Variants in ACYP1 observed in about 807,000 individuals in gnomAD.
ACYP1 encodes acylphosphatase 1.
A neutral mutation model predicts 10.4 loss-of-function variants in ACYP1; 8 were observed. The ratio of observed to expected loss-of-function variants is 0.77; its 90% CI spans 0.45 to 1.38. The LOEUF (loss-of-function observed/expected upper bound fraction) is 1.38, where lower values mean the gene tolerates loss of function less well. ACYP1 is among the 40% of genes most tolerant of loss of function. The pLI, the probability that ACYP1 is intolerant of heterozygous loss-of-function variation, is 0.00. For synonymous variants in ACYP1, 38 were observed against 40.8 expected, an observed-to-expected ratio of 0.93 and a Z score of 0.26; for missense variants, 93 against 117.3, an observed-to-expected ratio of 0.79 and a Z score of 0.96.
upstream of ACYP1, among the ~76,000 whole-genome samples, chr14:75,068,294 TCAAAAAA>T (rs1331233747): frequency 1.3e-5 from 2 of 151,564 alleles, no homozygotes; most frequent in African/African-American, 4.9e-5. Context: ...AGATTCCGTC[TCAAAAAA>T]CAAAAAACAA....
rs1892852525 is a variant in ACYP1, at chr14:75,055,403, G to C, written c.85-1744C>G. Among the ~76,000 whole-genome samples the C allele has an allele frequency of 1.3e-5, 2 of 151,300 alleles. 1 individual carries two copies. The highest frequency in any genetic ancestry group is 4.2e-4 in the South Asian group (2 of 4,746). ...CACCTGGCCTTATCTGAACTCTTGA[G>C]AGTTGAACAGAACACTCCAAAATTT... On this transcript the variant is annotated intron_variant, in intron 2 of 2. Transcript: ENST00000238618.
intron 2 of ACYP1, among the ~76,000 whole-genome samples, chr14:75,056,010 A>G (rs1214652692): frequency 6.6e-6 from 1 of 151,570 alleles, no homozygotes; most frequent in African/African-American, 2.4e-5. Context: ...AAATTAGATT[A>G]AATTTTTTTG....
At chr14:75,057,225 T>G (rs1339872294) in intron 2 of ACYP1, among the ~76,000 whole-genome samples, 1 of 151,258 alleles carries the variant, frequency 6.6e-6, no homozygotes, top group East Asian at 1.9e-4. Context: ...AAACTGAAAA[T>G]GAAATTAGGA....
At position 75,053,552 on chromosome 14, in the gene ACYP1, T is replaced by C. The variant is rs1410400064; in HGVS notation, c.192A>G (p.Glu64=). Residue 64 remains glutamate, a synonymous_variant, in exon 3 of 3, where the codon GAA becomes GAG. Coordinates refer to ENST00000238618, the MANE Select transcript of ACYP1 (RefSeq NM_001107.5). ...TAGGACTTCCTCTTGTTTCAAGCCA[T>C]TCCTGCATATGACGCACCTTGGAGA... ...GPISKVRHMQ[E]WLETRGSPKS... 5 of 1,614,220 alleles carry C rather than the reference T, an allele frequency of 3.1e-6. No individual in the cohort carries two copies. The highest frequency in any genetic ancestry group is 4.2e-6 in the Non-Finnish European group (5 of 1,180,030).
upstream of ACYP1, among the ~76,000 whole-genome samples, chr14:75,066,460 AG>A (rs1245047110): frequency 3.9e-5 from 6 of 152,180 alleles, no homozygotes; most frequent in Non-Finnish European, 8.8e-5. Context: ...CAGATATTGA[AG>A]GCAAGAGCAG....
At chr14:75,064,870 A>G (rs1273889500), upstream of ACYP1, among the ~76,000 whole-genome samples, 2 of 152,242 alleles carry the variant, frequency 1.3e-5, no homozygotes, top group East Asian at 1.9e-4. Flanking sequence ...ATTACGGGGC[A>G]TAAGTGCACA....
chr14:75,058,557 C>G (rs984186426), intron 2 of ACYP1, among the ~76,000 whole-genome samples: 4 of 151,324 alleles, frequency 2.6e-5, no homozygotes, highest in Non-Finnish European at 5.9e-5. Context: ...CATGAGGGAC[C>G]TGGCCCCATT....
chr14:75,053,732 G>C, intron 2 of ACYP1, 73 bp from the exon 3 acceptor site: 1 of 1,428,074 alleles, frequency 7.0e-7, no homozygotes, highest in Non-Finnish European at 9.8e-7. Context: ...TCTGTTGCCA[G>C]AATCTTGGCC....
chr14:75,053,523 G>C lies in ACYP1; in HGVS notation c.221C>G (p.Ser74Ter). 6.2e-7 allele frequency: 1 copy of C among 1,614,162 alleles called. No homozygotes were observed. The highest frequency in any genetic ancestry group is 1.1e-5 in the South Asian group (1 of 91,084). ...GTTGAAGTTTGCTTTGTCGATGTGT[G>C]ATTTAGGACTTCCTCTTGTTTCAAG... Reference protein sequence around the residue: ...EWLETRGSPKSHIDKANFNNE... With the variant: ...EWLETRGSPK The change falls in exon 3 of 3, where the codon TCA (serine) becomes TGA (stop). Residue 74 changes from serine (S) to a stop codon, truncating the protein, a stop_gained. Transcript: ENST00000238618. LOFTEE classifies it high-confidence loss of function.
At chr14:75,060,851 A>G (rs942879328) in intron 2 of ACYP1, among the ~76,000 whole-genome samples, 1 of 152,120 alleles carries the variant, frequency 6.6e-6, no homozygotes, top group Non-Finnish European at 1.5e-5. Context: ...GGATCACCTG[A>G]GGTGAGGAGT....
At chr14:75,062,531 C>A (rs1194957309) in intron 2 of ACYP1, among the ~76,000 whole-genome samples, 1 of 151,356 alleles carries the variant, frequency 6.6e-6, no homozygotes, top group Non-Finnish European at 1.5e-5. Flanking sequence ...GTTCTGCAGT[C>A]CTGGCCGGGT....
intron 1 of ACYP1, chr14:75,069,069 C>G: frequency 1.2e-6 from 1 of 854,188 alleles, no homozygotes; most frequent in Non-Finnish European, 1.7e-6. Flanking sequence ...AGAATTACCA[C>G]GTGAGTAAAA....
rs761535848 is a variant in ACYP1, at chr14:75,053,613, T to A, written c.131A>T (p.Asp44Val). Residue 44 changes from aspartate to valine, a missense_variant, in exon 3 of 3, where the codon GAC becomes GTC. Transcript: ENST00000238618. ...LGLVGWVQNT[D>V]RGTVQGQLQG... ...CAATTGTCCTTGCACTGTGCCCCGG[T>A]CAGTGTTCTGGACCCAGCCTACCAA... 1 of 1,614,046 alleles carries A rather than the reference T, an allele frequency of 6.2e-7. No individual in the cohort carries two copies. Among genetic ancestry groups the A allele is most frequent in the East Asian group, 2.2e-5 (1 of 44,892 alleles).
chr14:75,060,567 C>T (rs1173583728), intron 2 of ACYP1, among the ~76,000 whole-genome samples: 1 of 151,908 alleles, frequency 6.6e-6, no homozygotes, highest in African/African-American at 2.4e-5. Context: ...TCATAATGGC[C>T]AAAAATCAGA....
chr14:75,064,082 A>G, upstream of ACYP1: 3 of 971,914 alleles, frequency 3.1e-6, no homozygotes, highest in Non-Finnish European at 3.7e-6. Context: ...GCTCATGCCC[A>G]TCACCTCCAG....
chr14:75,053,271 T>C lies in ACYP1; in HGVS notation c.*173A>G. 1 of 634,932 alleles carries C rather than the reference T, an allele frequency of 1.6e-6. No homozygotes were observed. Among genetic ancestry groups the C allele is most frequent in the Middle Eastern group, 4.3e-4 (1 of 2,324 alleles). 39.3% of individuals were successfully genotyped at this position (634,932 alleles called of 1,614,324 possible). On this transcript the variant is annotated 3_prime_UTR_variant, in exon 3 of 3. Transcript: ENST00000238618. ...GGTTCTAACGTTTTTATTGATTAGA[T>C]TTGTGTACAGTGGTAATCCTTCCAT...
At chr14:75,061,663 C>T in intron 2 of ACYP1, 1 of 1,549,590 alleles carries the variant, frequency 6.5e-7, no homozygotes, top group Non-Finnish European at 8.8e-7. Context: ...ATCTCAATCA[C>T]CTTAATTTAC....
At chr14:75,064,123 G>C (rs554535252), upstream of ACYP1, 1 of 798,846 alleles carries the variant, frequency 1.3e-6, no homozygotes, top group East Asian at 1.3e-4. Flanking sequence ...CCTCGGCCCG[G>C]GCCCGCCCAG....
At position 75,063,485 on chromosome 14, in the gene ACYP1, GA is replaced by G; in HGVS notation, c.68del (p.Phe23SerfsTer15). On this transcript the variant is annotated frameshift_variant, in exon 2 of 3. Coordinates refer to ENST00000238618, the MANE Select transcript of ACYP1 (RefSeq NM_001107.5). LOFTEE classifies it high-confidence loss of function. ...GGCCACATACCTGAGTATGCTTACGGAAAAACACCCCTTGCACCTTCCCAAA... is the reference window on the plus strand; with the variant it reads ...GGCCACATACCTGAGTATGCTTACGGAAAACACCCCTTGCACCTTCCCAAA... ...EIFGKVQGVF[F>X]RKHTQAEGKK... 1.9e-6 allele frequency: 3 copies of G among 1,613,776 alleles called. No homozygotes were observed. The highest frequency in any genetic ancestry group is 2.5e-6 in the Non-Finnish European group (3 of 1,179,844).
Sources: allele counts gnomAD v4.1 joint callset (sites outside exome capture counted in the v4.1 genomes callset), GRCh38; gene constraint gnomAD v4.1.1; transcripts MANE v1.5; gene names NCBI Gene and HGNC (gene_info 2026-07-23, HGNC 2026-07-21).